Variants in RIMS1 observed in about 807,000 individuals in gnomAD.
The protein encoded by RIMS1 is regulating synaptic membrane exocytosis 1, also known as regulating synaptic membrane exocytosis protein 1.
Under a neutral mutation model 214.1 loss-of-function variants are expected in RIMS1, and 83 were observed. The observed-to-expected ratio is 0.39, with a 90% CI of 0.32 to 0.47. The LOEUF (loss-of-function observed/expected upper bound fraction) is 0.47. Among genes scored for constraint, RIMS1 ranks in the 20% least tolerant of loss-of-function variants. The pLI is 0.99. For missense variants in RIMS1, 2,050 were observed against 2,161.8 expected (o/e 0.95, Z 1.03); for synonymous variants, 793 against 786.8 (o/e 1.01, Z -0.13).
rs1489029666 is a variant in RIMS1 at position 72,400,774 on chromosome 6, A to AG, written c.*61dup. The AG allele has an allele frequency of 3.0e-6, 4 of 1,316,346 alleles. No homozygotes were observed. Among genetic ancestry groups the AG allele is most frequent in the Non-Finnish European group, 4.3e-6 (4 of 935,914 alleles). The allele number at this position is 1,316,346 out of a possible 1,614,324, so 81.5% of individuals were successfully genotyped here. ...ACTTTTCAGGATAATAATCTGAACCAGATATTTCATGATCGAAAGCATTGT... is the reference window on the plus strand; with the variant it reads ...ACTTTTCAGGATAATAATCTGAACCAGGATATTTCATGATCGAAAGCATTGT... On this transcript the variant is annotated 3_prime_UTR_variant, in exon 34 of 34. Transcript: ENST00000521978.
At chr6:71,967,163 T>C (rs961807402) in intron 1 of RIMS1, among the ~76,000 whole-genome samples, 6 of 151,844 alleles carry the variant, frequency 4.0e-5, no homozygotes, top group Non-Finnish European at 8.8e-5. Context: ...CCAAGGCGGG[T>C]GGATCACGAG....
intron 23 of RIMS1, among the ~76,000 whole-genome samples, chr6:72,274,938 T>G (rs1462847838): frequency 6.6e-6 from 1 of 151,550 alleles, no homozygotes; most frequent in East Asian, 1.9e-4. Context: ...TTTATAAATA[T>G]TGTATTGTTA....
chr6:72,391,969 G>C (rs1203879057), intron 30 of RIMS1, among the ~76,000 whole-genome samples: 1 of 152,044 alleles, frequency 6.6e-6, no homozygotes, highest in East Asian at 1.9e-4. Flanking sequence ...TAATTTCCTT[G>C]GTTAAAAGAA....
rs116423858 is a variant in RIMS1, at chr6:72,378,410, T to C, written c.4367-12188T>C. 4.4e-3 allele frequency among the ~76,000 whole-genome samples: 664 copies of C among 152,364 alleles called. 3 individuals are homozygous for C. The highest frequency in any genetic ancestry group is 0.015 in the African/African-American group (640 of 41,590). The stretch of plus-strand genomic sequence containing the variant: ...TTTTACAGAATATAGAAAACACTTT[T>C]TCTTAATTTTCTTTGTGACCTAAAA... On this transcript the variant is annotated intron_variant, in intron 29 of 33. Coordinates refer to ENST00000521978, the MANE Select transcript of RIMS1 (RefSeq NM_014989.7).
intron 6 of RIMS1, among the ~76,000 whole-genome samples, chr6:72,220,237 A>G (rs940897182): frequency 5.3e-5 from 8 of 151,978 alleles, no homozygotes; most frequent in Non-Finnish European, 8.8e-5. Flanking sequence ...ATAATACCCT[A>G]CTCAGGGTCA....
At chr6:72,334,605 G>A (rs920415242) in intron 29 of RIMS1, among the ~76,000 whole-genome samples, 1 of 151,814 alleles carries the variant, frequency 6.6e-6, no homozygotes, top group Non-Finnish European at 1.5e-5. Context: ...GTGAAATATT[G>A]AAGCAATTTA....
At chr6:71,930,724 T>C (rs1056818435) in intron 1 of RIMS1, among the ~76,000 whole-genome samples, 1 of 152,092 alleles carries the variant, frequency 6.6e-6, no homozygotes, top group African/African-American at 2.4e-5. Context: ...AAATCAAAAC[T>C]ATCTTTTCTC....
chr6:71,931,956 T>TA (rs2150912596), intron 1 of RIMS1, among the ~76,000 whole-genome samples: 1 of 152,130 alleles, frequency 6.6e-6, no homozygotes, highest in African/African-American at 2.4e-5. Flanking sequence ...GAATGGCTAT[T>TA]ATTAAGAAGT....
At chr6:71,908,759 A>G (rs1434778368) in intron 1 of RIMS1, among the ~76,000 whole-genome samples, 1 of 152,300 alleles carries the variant, frequency 6.6e-6, no homozygotes, top group East Asian at 1.9e-4. Flanking sequence ...GTTCAAGCCT[A>G]AATGAACCTT....
intron 1 of RIMS1, among the ~76,000 whole-genome samples, chr6:71,931,355 A>T (rs894290891): frequency 2.0e-5 from 3 of 152,072 alleles, no homozygotes; most frequent in African/African-American, 7.2e-5. Context: ...TTCAGTGAGT[A>T]AGCTCTACCA....
At chr6:72,178,730 C>G (rs1031728884) in intron 4 of RIMS1, among the ~76,000 whole-genome samples, 1 of 152,116 alleles carries the variant, frequency 6.6e-6, no homozygotes, top group Non-Finnish European at 1.5e-5. Context: ...GTCATTGCTG[C>G]TATTATTATT....
intron 1 of RIMS1, among the ~76,000 whole-genome samples, chr6:71,960,652 C>T (rs139232908): frequency 6.6e-6 from 1 of 152,192 alleles, no homozygotes; most frequent in Non-Finnish European, 1.5e-5. Flanking sequence ...CTCATGTCCT[C>T]TCTAATTACT....
chr6:72,211,079 A>G (rs1036008313), intron 6 of RIMS1, among the ~76,000 whole-genome samples: 1 of 152,170 alleles, frequency 6.6e-6, no homozygotes, highest in Non-Finnish European at 1.5e-5. Flanking sequence ...TTTTTATGCC[A>G]TAACCTTTCA....
chr6:72,250,824 T>G (rs1451411106), intron 13 of RIMS1, 97 bp from the exon 14 acceptor site: 1 of 663,970 alleles, frequency 1.5e-6, no homozygotes, highest in African/African-American at 1.8e-5. Flanking sequence ...AGTTATTAGT[T>G]AAAATAATAT....
At chr6:72,184,899 A>G (rs1459822186) in intron 6 of RIMS1, among the ~76,000 whole-genome samples, 1 of 152,178 alleles carries the variant, frequency 6.6e-6, no homozygotes, top group African/African-American at 2.4e-5. Flanking sequence ...GTATAAAACT[A>G]TTAACCCCCT....
At chr6:71,903,685 A>G (rs906225864) in intron 1 of RIMS1, among the ~76,000 whole-genome samples, 1 of 151,988 alleles carries the variant, frequency 6.6e-6, no homozygotes, top group Non-Finnish European at 1.5e-5. Context: ...GTAATCTTAA[A>G]CTGACTTCGT....
intron 2 of RIMS1, among the ~76,000 whole-genome samples, chr6:72,032,546 A>T (rs1818427337): frequency 6.6e-6 from 1 of 152,118 alleles, no homozygotes; most frequent in Non-Finnish European, 1.5e-5. Flanking sequence ...GTTTAAGAGG[A>T]GTTCTGTCTG....
chr6:72,007,057 A>T lies in RIMS1; in HGVS notation c.245+37994A>T, dbSNP rs531271586. Among the ~76,000 whole-genome samples the T allele has an allele frequency of 2.0e-5, 3 of 152,292 alleles. No homozygotes were observed. In the South Asian group the frequency reaches 6.2e-4, roughly 32 times the overall value. ...TGGGTCCCTGACACCCAAGTAGCCT[A>T]ACTGGGAGGCCCCCCCAAGTAGGGG... On this transcript the variant is annotated intron_variant, in intron 2 of 33. Transcript: ENST00000521978.
At chr6:72,152,121 A>C (rs1305885730) in intron 4 of RIMS1, among the ~76,000 whole-genome samples, 1 of 152,194 alleles carries the variant, frequency 6.6e-6, no homozygotes, top group Non-Finnish European at 1.5e-5. Context: ...ATGAGGGATT[A>C]CATTTCACCA....
Sources: allele counts gnomAD v4.1 joint callset (sites outside exome capture counted in the v4.1 genomes callset), GRCh38; gene constraint gnomAD v4.1.1; transcripts MANE v1.5; gene names NCBI Gene and HGNC (gene_info 2026-07-23, HGNC 2026-07-21).